The following CCNY variants were observed in gnomAD, a reference collection of about 807,000 sequenced individuals.
The protein encoded by CCNY is cyclin Y, also known as cyclin-Y.
In CCNY, 19 loss-of-function variants were observed where a neutral mutation model predicts 42.8. That is an observed-to-expected ratio of 0.44 (90% CI 0.31 to 0.65). The LOEUF is 0.65. Among genes scored for constraint, CCNY ranks in the 30% least tolerant of loss-of-function variants. The probability of loss-of-function intolerance (pLI) is 0.07; values close to 1 mark genes in which losing one functional copy is unlikely to be tolerated. For missense variants in CCNY, 370 were observed against 437.3 expected, an observed-to-expected ratio of 0.85 and a Z score of 1.37; for synonymous variants, 165 against 162.7, an observed-to-expected ratio of 1.01 and a Z score of -0.11.
intron 1 of CCNY, among the ~76,000 whole-genome samples, chr10:35,438,757 C>T (rs1838598849): frequency 6.6e-6 from 1 of 152,028 alleles, no homozygotes; most frequent in South Asian, 2.1e-4. Flanking sequence ...TTTTACACAC[C>T]CTCTTCTTCC....
intron 1 of CCNY, among the ~76,000 whole-genome samples, chr10:35,412,390 G>A (rs760510853): frequency 6.6e-6 from 1 of 152,118 alleles, no homozygotes; most frequent in Admixed American, 6.5e-5. Context: ...AAGGACAGAG[G>A]GAGTATAATC....
chr10:35,524,570 C>G (rs971181994), intron 4 of CCNY, among the ~76,000 whole-genome samples: 3 of 152,138 alleles, frequency 2.0e-5, no homozygotes, highest in African/African-American at 7.2e-5. Context: ...CTGAGAGGAT[C>G]AGAACACCGT....
intron 1 of CCNY, among the ~76,000 whole-genome samples, chr10:35,382,388 A>G (rs920970616): frequency 6.6e-6 from 1 of 152,218 alleles, no homozygotes; most frequent in Non-Finnish European, 1.5e-5. Flanking sequence ...AGGGGGCTTG[A>G]TGCCTTCTCT....
chr10:35,395,244 G>C (rs1360246639), intron 1 of CCNY, among the ~76,000 whole-genome samples: 1 of 152,160 alleles, frequency 6.6e-6, no homozygotes, highest in Non-Finnish European at 1.5e-5. Context: ...AAAGCTATGT[G>C]TTGTTCCATT....
At chr10:35,327,814 G>C (rs1835897649) in intron 3 of CCNY, 1 of 152,268 alleles carries the variant, frequency 6.6e-6, no homozygotes, top group Non-Finnish European at 1.5e-5. Context: ...CTGCATACCT[G>C]ATGTCCCCAT....
At position 35,313,726 on chromosome 10, in the gene CCNY, A is replaced by G. The variant is rs895811870; in HGVS notation, c.-9+63100A>G. 8.5e-5 allele frequency among the ~76,000 whole-genome samples: 13 copies of G among 152,218 alleles called. No individual in the cohort carries two copies. In the East Asian group the frequency reaches 2.3e-3, roughly 27 times the overall value. ...GGTGGCTCATGCCTGTAATCCCAAC[A>G]CTTTGGGAGGCTGAGGCAGGTGAAC... On this transcript the variant is annotated intron_variant, in intron 3 of 11. Coordinates refer to the CCNY transcript ENST00000374706.
intron 2 of CCNY, among the ~76,000 whole-genome samples, chr10:35,483,794 A>G (rs1839725452): frequency 6.6e-6 from 1 of 152,234 alleles, no homozygotes; most frequent in South Asian, 2.1e-4. Flanking sequence ...ATTTCTCATA[A>G]GATCAGAAGT....
chr10:35,551,442 G>A (rs1841255213), intron 7 of CCNY, among the ~76,000 whole-genome samples: 1 of 152,082 alleles, frequency 6.6e-6, no homozygotes, highest in Non-Finnish European at 1.5e-5. Flanking sequence ...AAGACTTTAT[G>A]GACATTATAT....
chr10:35,531,732 G>A (rs1424373230), intron 7 of CCNY, among the ~76,000 whole-genome samples: 1 of 152,158 alleles, frequency 6.6e-6, no homozygotes, highest in Non-Finnish European at 1.5e-5. Context: ...AAAGTGGCGG[G>A]GATTTTTTCT....
chr10:35,429,762 T>C (rs1838344670), intron 1 of CCNY, among the ~76,000 whole-genome samples: 2 of 152,218 alleles, frequency 1.3e-5, no homozygotes, highest in Admixed American at 1.3e-4. Context: ...TGTGGCCATG[T>C]ATTATAAAAG....
chr10:35,286,127 C>T (rs566192874), intron 3 of CCNY, among the ~76,000 whole-genome samples: 1 of 151,906 alleles, frequency 6.6e-6, no homozygotes, highest in East Asian at 1.9e-4. Flanking sequence ...TTAGGTTTAA[C>T]ATTTTATTAC....
At chr10:35,254,086 C>T (rs904109954) in intron 3 of CCNY, among the ~76,000 whole-genome samples, 2 of 151,998 alleles carry the variant, frequency 1.3e-5, no homozygotes, top group African/African-American at 2.4e-5. Flanking sequence ...ACCGTATTAA[C>T]CAGGATGGTC....
intron 3 of CCNY, among the ~76,000 whole-genome samples, chr10:35,261,100 A>C (rs145300260): frequency 6.6e-6 from 1 of 152,016 alleles, no homozygotes; most frequent in African/African-American, 2.4e-5. Context: ...ACAGAGCAAT[A>C]ATCTGCCTTA....
At chr10:35,427,980 C>T (rs1243958302) in intron 1 of CCNY, among the ~76,000 whole-genome samples, 1 of 152,118 alleles carries the variant, frequency 6.6e-6, no homozygotes, top group South Asian at 2.1e-4. Flanking sequence ...CCAGCTATTA[C>T]CTAGTGGTGA....
intron 3 of CCNY, among the ~76,000 whole-genome samples, chr10:35,264,195 C>G (rs1467007560): frequency 6.6e-6 from 1 of 151,848 alleles, no homozygotes; most frequent in Non-Finnish European, 1.5e-5. Context: ...GGGTATATAC[C>G]CAGTGATGGG....
At chr10:35,379,381 A>T (rs553062708) in intron 1 of CCNY, among the ~76,000 whole-genome samples, 1 of 152,300 alleles carries the variant, frequency 6.6e-6, no homozygotes, top group East Asian at 1.9e-4. Flanking sequence ...TGGGGGCAGA[A>T]GGGGAAGGTG....
intron 7 of CCNY, among the ~76,000 whole-genome samples, chr10:35,536,562 G>A (rs927025601): frequency 2.6e-5 from 4 of 152,174 alleles, no homozygotes; most frequent in African/African-American, 9.7e-5. Flanking sequence ...TGCCCAAAGT[G>A]GTGATAGCGA....
At chr10:35,455,099 C>A (rs1045650286) in intron 1 of CCNY, among the ~76,000 whole-genome samples, 6 of 152,158 alleles carry the variant, frequency 3.9e-5, no homozygotes, top group Admixed American at 1.3e-4. Context: ...TCATTGAAAT[C>A]AAAGCTAATA....
intron 2 of CCNY, among the ~76,000 whole-genome samples, chr10:35,495,262 A>G (rs117489016): frequency 0.017 from 2,578 of 152,310 alleles, 26 homozygotes; most frequent in Middle Eastern, 0.041. Context: ...ATTTTCTGCA[A>G]TAAGCATGCA....
Sources: allele counts gnomAD v4.1 joint callset (sites outside exome capture counted in the v4.1 genomes callset), GRCh38; gene constraint gnomAD v4.1.1; transcripts MANE v1.5; gene names NCBI Gene and HGNC (gene_info 2026-07-23, HGNC 2026-07-21).